The following ZFP64 variants were observed in gnomAD, a reference collection of about 807,000 sequenced individuals.
ZFP64 encodes the protein ZFP64 zinc finger protein.
In ZFP64, 14 loss-of-function variants were observed where a neutral mutation model predicts 51.6. The ratio of observed to expected loss-of-function variants is 0.27; its 90% CI spans 0.18 to 0.42. ZFP64 has a LOEUF of 0.42. Among genes scored for constraint, ZFP64 ranks in the 10% least tolerant of loss-of-function variants. The pLI, the probability that ZFP64 is intolerant of heterozygous loss-of-function variation, is 1.00. For synonymous variants in ZFP64, 375 were observed against 361.4 expected (o/e 1.04, Z -0.43); for missense variants, 754 against 906.8 (o/e 0.83, Z 2.16).
rs2078845298 is a variant in ZFP64 at position 52,084,710 on chromosome 20, CAG to C, written c.1783_1784del (p.Leu595GlufsTer9). 2 of 1,614,234 alleles carry C rather than the reference CAG, an allele frequency of 1.2e-6. No homozygotes were observed. The highest frequency in any genetic ancestry group is 2.2e-5 in the East Asian group (1 of 44,874). ...CACTGTGCTGCTTCTTGTGGCATCT[CAG>C]AGAGTCATCCCTGACGAAGGAGGCG... On this transcript the variant is annotated frameshift_variant, in exon 9 of 9. Transcript: ENST00000361387. LOFTEE classifies it high-confidence loss of function.
chr20:52,191,646 C>G lies in ZFP64; in HGVS notation c.-10G>C, dbSNP rs1477860492. On this transcript the variant is annotated 5_prime_UTR_variant, in exon 1 of 6. Transcript: ENST00000216923. This position sits in a 1 kb window ranked among gnomAD's most constrained non-coding sequence, Gnocchi z 4.3. ...CGCTGCTCGCGTTCATGGCCGCAGA[C>G]TGGGAGGTCCCCGGCCGGCCGGGAT... The G allele has an allele frequency of 2.5e-6, 4 of 1,584,264 alleles. No individual in the cohort carries two copies. The highest frequency in any genetic ancestry group is 3.4e-6 in the Non-Finnish European group (4 of 1,168,498).
intron 5 of ZFP64, among the ~76,000 whole-genome samples, chr20:52,101,791 T>G (rs1439208399): frequency 1.3e-5 from 2 of 151,820 alleles, no homozygotes; most frequent in Non-Finnish European, 2.9e-5. Context: ...GGGTGGTCCC[T>G]AGAGCACCAG....
intron 5 of ZFP64, chr20:52,104,819 G>A (rs1199674860): frequency 3.3e-6 from 2 of 613,642 alleles, no homozygotes; most frequent in Non-Finnish European, 6.2e-6. Context: ...TCGGGTGCCC[G>A]CGCATCCCGA....
At position 52,151,641 on chromosome 20, in the gene ZFP64, C is replaced by T. The variant is rs941399015; in HGVS notation, c.*505G>A. On this transcript the variant is annotated 3_prime_UTR_variant, in exon 6 of 6. Coordinates refer to ENST00000216923, the MANE Select transcript of ZFP64 (RefSeq NM_018197.3). The stretch of plus-strand genomic sequence containing the variant: ...TTAAGATTCTACAACAGTTATAATG[C>T]GACGATTCAGAGGTGGTCTCAAAGT... The T allele has an allele frequency of 9.1e-6, 9 of 988,760 alleles. No individual in the cohort carries two copies. In the South Asian group the frequency reaches 1.4e-4, roughly 15 times the overall value. 61.2% of individuals were successfully genotyped at this position (988,760 alleles called of 1,614,324 possible).
At chr20:52,110,849 C>T (rs938459197) in intron 5 of ZFP64, 1 of 1,609,514 alleles carries the variant, frequency 6.2e-7, no homozygotes, top group African/African-American at 1.3e-5. Context: ...TCACCATAAT[C>T]TGAGATCCCC....
At chr20:52,178,158 C>T (rs1032045728) in intron 2 of ZFP64, among the ~76,000 whole-genome samples, 7 of 152,164 alleles carry the variant, frequency 4.6e-5, no homozygotes, top group African/African-American at 1.7e-4. Flanking sequence ...AATATATTAT[C>T]CCCAGGAAGG....
rs74738227 is a variant in ZFP64, at chr20:52,191,492, G to C, written c.46+99C>G. 1 of 1,349,076 alleles carries C rather than the reference G, an allele frequency of 7.4e-7. No homozygotes were observed. Among genetic ancestry groups the C allele is most frequent in the Non-Finnish European group, 9.6e-7 (1 of 1,046,582 alleles). The allele number at this position is 1,349,076 out of a possible 1,614,324, so 83.6% of individuals were successfully genotyped here. On this transcript the variant is annotated intron_variant, in intron 1 of 5. Transcript: ENST00000216923. This position sits in a 1 kb window ranked among gnomAD's most constrained non-coding sequence, Gnocchi z 4.3. ...TCCGAGCCGTCACCCCGATTTCGGG[G>C]CCCCGGGCCTGCTGGCTGCGTCGCA... is the stretch of plus-strand genomic sequence containing the variant.
intron 5 of ZFP64, among the ~76,000 whole-genome samples, chr20:52,101,965 A>T (rs1298409226): frequency 7.2e-6 from 1 of 139,084 alleles, no homozygotes. Context: ...AAAAAAAATT[A>T]GCCAGGTGTG....
intron 7 of ZFP64, among the ~76,000 whole-genome samples, chr20:52,095,620 C>T (rs2078980049): frequency 6.6e-6 from 1 of 152,128 alleles, no homozygotes; most frequent in Admixed American, 6.5e-5. Context: ...GAGAAGTGGC[C>T]TAAGTTTGCT....
chr20:52,174,864 A>C (rs1983058876), intron 2 of ZFP64, among the ~76,000 whole-genome samples: 1 of 152,170 alleles, frequency 6.6e-6, no homozygotes, highest in Non-Finnish European at 1.5e-5. Context: ...GAAAACTGAA[A>C]TTATTTGCAT....
downstream of ZFP64, among the ~76,000 whole-genome samples, chr20:52,147,624 T>C (rs937932856): frequency 1.3e-5 from 2 of 152,210 alleles, no homozygotes; most frequent in African/African-American, 4.8e-5. Context: ...AGAATTTTTC[T>C]TTAATATAGA....
rs755291512 is a variant in ZFP64, at chr20:52,165,929, G to A, written c.383C>T (p.Ala128Val). 3 of 1,614,052 alleles carry A rather than the reference G, an allele frequency of 1.9e-6. No homozygotes were observed. In the African/African-American group the frequency reaches 4.0e-5, roughly 22 times the overall value. Residue 128 changes from alanine (A) to valine (V), a missense_variant, in exon 3 of 6, where the codon GCC becomes GTC. By Grantham distance (64) the Ala-to-Val change is moderately conservative. This residue lies in a region of ZFP64 where 231 missense variants were observed against 336.7 expected (regional missense o/e 0.69). Coordinates refer to ENST00000216923, the MANE Select transcript of ZFP64 (RefSeq NM_018197.3). ...NQTATVISLPAKSRTKKPTTP... is the reference protein window; with the variant it reads ...NQTATVISLPVKSRTKKPTTP... ...TGTGGGCTTTTTGGTGCGTGACTTG[G>A]CAGGGAGAGAGATGACAGTGGCTGT... is the stretch of plus-strand genomic sequence containing the variant.
chr20:52,112,092 AAAAAAAAAC>A (rs1568952837), intron 5 of ZFP64, among the ~76,000 whole-genome samples: 6 of 137,724 alleles, frequency 4.4e-5, no homozygotes, highest in African/African-American at 1.6e-4. Flanking sequence ...CAAAAAAAAA[AAAAAAAAAC>A]AAAAAAAAAA....
chr20:52,122,334 G>A (rs545712423), intron 5 of ZFP64, among the ~76,000 whole-genome samples: 67 of 152,064 alleles, frequency 4.4e-4, no homozygotes, highest in African/African-American at 8.7e-4. Context: ...GTGAAACCCC[G>A]TCTCTACTAA....
At chr20:52,132,367 G>C (rs1052537864) in intron 5 of ZFP64, among the ~76,000 whole-genome samples, 2 of 151,562 alleles carry the variant, frequency 1.3e-5, no homozygotes, top group African/African-American at 4.9e-5. Flanking sequence ...AGAAAGATCA[G>C]AGCAGAAATA....
At chr20:52,144,848 G>A (rs1980447651) in intron 5 of ZFP64, among the ~76,000 whole-genome samples, 2 of 152,016 alleles carry the variant, frequency 1.3e-5, no homozygotes, top group South Asian at 2.1e-4. Context: ...ATAGGGCCAC[G>A]TAATTGAAAA....
At chr20:52,167,735 C>T (rs1434281032) in intron 2 of ZFP64, among the ~76,000 whole-genome samples, 1 of 152,174 alleles carries the variant, frequency 6.6e-6, no homozygotes, top group Non-Finnish European at 1.5e-5. Flanking sequence ...TTGAGAGCCG[C>T]TGTAATATTC....
intron 2 of ZFP64, among the ~76,000 whole-genome samples, chr20:52,184,516 T>C (rs1209911702): frequency 6.6e-6 from 1 of 152,244 alleles, no homozygotes; most frequent in African/African-American, 2.4e-5. Flanking sequence ...ATTTTTTTTA[T>C]ACTTACCTTG....
intron 2 of ZFP64, chr20:52,176,040 G>T (rs2123088686): frequency 1.1e-6 from 1 of 900,842 alleles, no homozygotes; most frequent in Non-Finnish European, 1.3e-6. Flanking sequence ...CCCCAGCTCT[G>T]CCTTTGCTGA....
Sources: gnomAD v4.1 joint callset for allele counts (sites outside exome capture counted in the v4.1 genomes callset) on GRCh38, gnomAD v4.1.1 for gene constraint, gnomAD v4.1.1 regional missense constraint, Gnocchi (gnomAD v3.1) non-coding constraint, MANE v1.5 for transcripts, NCBI Gene and HGNC (gene_info 2026-07-23, HGNC 2026-07-21) for gene names.